The following HS6ST2 variants were observed in gnomAD, a reference collection of about 807,000 sequenced individuals.
The protein encoded by HS6ST2 is heparan sulfate 6-O-sulfotransferase 2.
A neutral mutation model predicts 33.0 loss-of-function variants in HS6ST2; 17 were observed. The ratio of observed to expected loss-of-function variants is 0.52; its 90% confidence interval spans 0.35 to 0.77. HS6ST2 has a LOEUF of 0.77. HS6ST2 is among the 30% of genes least tolerant of loss of function. The probability of loss-of-function intolerance (pLI) is 0.01; values close to 1 mark genes in which losing one functional copy is unlikely to be tolerated. For missense variants in HS6ST2, 519 were observed against 551.7 expected (o/e 0.94, Z 0.59); for synonymous variants, 248 against 237.1 (o/e 1.05, Z -0.42).
At chrX:132,776,941 C>T (rs1045478692) in intron 2 of HS6ST2, among the ~76,000 whole-genome samples, 1 of 110,203 alleles carries the variant, frequency 9.1e-6, no homozygotes, top group African/African-American at 3.3e-5. Context: ...ATTACTTCCT[C>T]ATTTGACTGT....
At chrX:132,715,050 C>T (rs751462963) in intron 2 of HS6ST2, among the ~76,000 whole-genome samples, 1 of 112,139 alleles carries the variant, frequency 8.9e-6, no homozygotes, top group Admixed American at 9.4e-5. Context: ...TCGGTACCAT[C>T]CTACTGACAG....
intron 2 of HS6ST2, among the ~76,000 whole-genome samples, chrX:132,773,086 C>T (rs1205676918): frequency 5.4e-5 from 5 of 92,413 alleles, no homozygotes; most frequent in Admixed American, 1.3e-4. Flanking sequence ...TATAGATTTA[C>T]AATCTATAAA....
At chrX:132,929,953 C>T (rs932295590) in intron 2 of HS6ST2, among the ~76,000 whole-genome samples, 5 of 110,984 alleles carry the variant, frequency 4.5e-5, no homozygotes, top group Non-Finnish European at 9.4e-5. Context: ...GATAAGCAGA[C>T]GGAGATTGAA....
At chrX:132,760,021 C>A (rs1044493618) in intron 2 of HS6ST2, among the ~76,000 whole-genome samples, 2 of 111,862 alleles carry the variant, frequency 1.8e-5, no homozygotes, top group Middle Eastern at 4.6e-3. Flanking sequence ...TCACTACTAT[C>A]TAATTCCAGA....
chrX:132,844,051 A>C (rs2065728533), intron 2 of HS6ST2, among the ~76,000 whole-genome samples: 1 of 111,930 alleles, frequency 8.9e-6, no homozygotes, highest in Non-Finnish European at 1.9e-5. Context: ...GCCTCATGAA[A>C]TCCTACATTC....
chrX:132,812,908 C>A (rs1029099987), intron 2 of HS6ST2, among the ~76,000 whole-genome samples: 1 of 108,903 alleles, frequency 9.2e-6, no homozygotes. Flanking sequence ...AATCTTTATC[C>A]GTTATCCCCC....
chrX:132,825,965 C>G (rs1602720333), intron 2 of HS6ST2, among the ~76,000 whole-genome samples: 1 of 112,352 alleles, frequency 8.9e-6, no homozygotes, highest in South Asian at 3.7e-4. Context: ...AAATATTATA[C>G]TTTGTCCAAT....
At chrX:132,952,632 A>G (rs927698422) in intron 2 of HS6ST2, among the ~76,000 whole-genome samples, 1 of 111,844 alleles carries the variant, frequency 8.9e-6, no homozygotes, top group African/African-American at 3.3e-5. Context: ...AATTAAAAAA[A>G]AATAGAATGA....
chrX:132,706,166 G>A (rs767611247), intron 3 of HS6ST2, among the ~76,000 whole-genome samples: 4 of 110,883 alleles, frequency 3.6e-5, no homozygotes, highest in East Asian at 5.7e-4. Context: ...GGAGTGTGAC[G>A]GGATGATCTT....
intron 2 of HS6ST2, among the ~76,000 whole-genome samples, chrX:132,787,000 C>A (rs948145750): frequency 5.7e-5 from 6 of 105,346 alleles, no homozygotes; most frequent in African/African-American, 2.1e-4. Flanking sequence ...CTCTCTCCAG[C>A]CTAACCCCTC....
intron 2 of HS6ST2, among the ~76,000 whole-genome samples, chrX:132,798,012 CAA>C (rs140144337): frequency 0.01 from 577 of 55,771 alleles, 8 homozygotes; most frequent in African/African-American, 0.036. Flanking sequence ...GACTTTGTCT[CAA>C]AAAAAAAAAA....
In HS6ST2 at chrX:132,905,000, A is replaced by G. The variant is rs145777809; in HGVS notation, c.947+51808T>C. Among the ~76,000 whole-genome samples, 372 of 111,450 alleles carry G rather than the reference A, an allele frequency of 3.3e-3. 1 individual carries two copies. The highest frequency in any genetic ancestry group is 0.011 in the African/African-American group (349 of 30,682). On this transcript the variant is annotated intron_variant, in intron 2 of 4. Coordinates refer to ENST00000370833, the MANE Select transcript of HS6ST2 (RefSeq NM_001394073.1). ...GCATTTTTGATTACTAATAAGGCCA[A>G]ATGCAGTTTTTGTTTATTGCCCATT...
intron 2 of HS6ST2, among the ~76,000 whole-genome samples, chrX:132,876,397 G>C (rs181551784): frequency 1.8e-4 from 20 of 112,168 alleles, no homozygotes; most frequent in Non-Finnish European, 3.4e-4. Context: ...CAGGGGTAGA[G>C]CTTTAAGTGA....
At chrX:132,678,057 C>A (rs1334761404) in intron 3 of HS6ST2, among the ~76,000 whole-genome samples, 1 of 111,745 alleles carries the variant, frequency 8.9e-6, no homozygotes, top group Non-Finnish European at 1.9e-5. Context: ...GCATCTATAC[C>A]TAAAAGTGCA....
At chrX:132,685,414 A>G (rs1175232495) in intron 3 of HS6ST2, among the ~76,000 whole-genome samples, 1 of 111,953 alleles carries the variant, frequency 8.9e-6, no homozygotes, top group Non-Finnish European at 1.9e-5. Flanking sequence ...AAGGAGAACC[A>G]TGCTCATAGT....
At chrX:132,877,818 G>A (rs894096327) in intron 2 of HS6ST2, among the ~76,000 whole-genome samples, 1 of 110,652 alleles carries the variant, frequency 9.0e-6, no homozygotes, top group African/African-American at 3.3e-5. Flanking sequence ...GAGAGCAGAT[G>A]ATGAAGCCCT....
At chrX:132,634,888 G>C (rs2063542275) in intron 4 of HS6ST2, among the ~76,000 whole-genome samples, 3 of 111,245 alleles carry the variant, frequency 2.7e-5, no homozygotes, top group Admixed American at 1.9e-4. Context: ...CTCAGCTATG[G>C]TGCAAGTGAG....
chrX:132,880,521 T>G (rs1171058536), intron 2 of HS6ST2, among the ~76,000 whole-genome samples: 2 of 1,540 alleles, frequency 1.3e-3, no homozygotes, highest in Non-Finnish European at 2.9e-3. Flanking sequence ...TGAGACTCTG[T>G]GTAAAAAAAA....
At chrX:132,790,420 T>C (rs2065110705) in intron 2 of HS6ST2, among the ~76,000 whole-genome samples, 2 of 112,274 alleles carry the variant, frequency 1.8e-5, no homozygotes, top group South Asian at 7.4e-4. Context: ...ATAACTTCTA[T>C]ATGCACTAGG....
Sources: gnomAD v4.1 joint callset for allele counts (sites outside exome capture counted in the v4.1 genomes callset) on GRCh38, gnomAD v4.1.1 for gene constraint, MANE v1.5 for transcripts, NCBI Gene and HGNC (gene_info 2026-07-23, HGNC 2026-07-21) for gene names.